Variants in ATRNL1 observed in about 807,000 individuals in gnomAD.
The protein encoded by ATRNL1 is attractin like 1.
In ATRNL1, 95 loss-of-function variants were observed where a neutral mutation model predicts 182.7. The ratio of observed to expected loss-of-function variants is 0.52; its 90% CI spans 0.44 to 0.62. ATRNL1 has a LOEUF of 0.62. ATRNL1 is among the 20% of genes least tolerant of loss of function. The pLI, the probability that ATRNL1 is intolerant of heterozygous loss-of-function variation, is 0.00. For missense variants in ATRNL1, 1,471 were observed against 1,679.5 expected, an observed-to-expected ratio of 0.88 and a Z score of 2.17; for synonymous variants, 576 against 568.3, an observed-to-expected ratio of 1.01 and a Z score of -0.19.
At chr10:115,398,532 G>A (rs75516109) in intron 20 of ATRNL1, among the ~76,000 whole-genome samples, 1,878 of 151,996 alleles carry the variant, frequency 0.012, 18 homozygotes, top group Non-Finnish European at 0.021. Flanking sequence ...TAGTGTATAG[G>A]AATGCTATTG....
At chr10:115,359,153 T>A (rs782245326) in intron 19 of ATRNL1, among the ~76,000 whole-genome samples, 4 of 151,654 alleles carry the variant, frequency 2.6e-5, no homozygotes, top group Non-Finnish European at 4.4e-5. Flanking sequence ...ATTATTACCA[T>A]CAGTGTTCTT....
At chr10:115,146,250 A>AATTT (rs1427824228) in intron 5 of ATRNL1, among the ~76,000 whole-genome samples, 5 of 152,192 alleles carry the variant, frequency 3.3e-5, no homozygotes, top group Admixed American at 3.3e-4. Flanking sequence ...TAGATGAAAT[A>AATTT]TAAATTAAGG....
intron 24 of ATRNL1, among the ~76,000 whole-genome samples, chr10:115,495,185 T>G (rs570368333): frequency 1.3e-5 from 2 of 152,334 alleles, no homozygotes; most frequent in South Asian, 4.1e-4. Flanking sequence ...GTGTTATGTT[T>G]GTCATTTATG....
intron 23 of ATRNL1, among the ~76,000 whole-genome samples, chr10:115,467,706 T>A (rs782622603): frequency 1.1e-4 from 16 of 150,742 alleles, no homozygotes; most frequent in Non-Finnish European, 1.9e-4. Flanking sequence ...ACCCCTCTTG[T>A]CAGCTTCAGT....
At chr10:115,890,587 C>T (rs955996542) in intron 28 of ATRNL1, among the ~76,000 whole-genome samples, 11 of 151,892 alleles carry the variant, frequency 7.2e-5, no homozygotes, top group African/African-American at 1.9e-4. Flanking sequence ...TTACCTGCAA[C>T]GGGAAAAGAT....
intron 28 of ATRNL1, among the ~76,000 whole-genome samples, chr10:115,942,107 T>C (rs1953748618): frequency 1.3e-5 from 2 of 152,190 alleles, no homozygotes; most frequent in Admixed American, 6.5e-5. Flanking sequence ...ACACCATAAA[T>C]TTCTCCTTCT....
chr10:115,299,962 C>A (rs1853393178), intron 15 of ATRNL1, 72 bp from the exon 16 acceptor site: 1 of 1,089,768 alleles, frequency 9.2e-7, no homozygotes, highest in Non-Finnish European at 1.4e-6. Context: ...TGATAGTGAA[C>A]TATTTGCTAA....
chr10:115,856,707 T>C (rs1178089998), intron 28 of ATRNL1, among the ~76,000 whole-genome samples: 4 of 152,028 alleles, frequency 2.6e-5, no homozygotes, highest in South Asian at 4.1e-4. Context: ...CAGTTCACAA[T>C]AGGGTTCGTG....
At chr10:115,139,345 A>T (rs1845661536) in intron 5 of ATRNL1, among the ~76,000 whole-genome samples, 1 of 152,166 alleles carries the variant, frequency 6.6e-6, no homozygotes, top group Admixed American at 6.5e-5. Flanking sequence ...TTACTGTATT[A>T]GTCTGTTTTC....
intron 5 of ATRNL1, among the ~76,000 whole-genome samples, chr10:115,144,603 C>A (rs1208121765): frequency 1.3e-5 from 2 of 152,142 alleles, no homozygotes; most frequent in African/African-American, 4.8e-5. Flanking sequence ...CATGAAAATT[C>A]TTAGCATGAA....
At chr10:115,329,798 A>T (rs559329771) in intron 18 of ATRNL1, among the ~76,000 whole-genome samples, 9 of 152,108 alleles carry the variant, frequency 5.9e-5, no homozygotes, top group Non-Finnish European at 1.2e-4. Context: ...TGTTGGCAGT[A>T]TGTAGTTGGG....
rs398014865 is a variant in ATRNL1 at position 115,775,959 on chromosome 10, CA to C, written c.3903+48622del. ...GGCAATGAGAGTGAAACTCCATTCT[CA>C]AAAAAAAAAAAAAAAAAGGAGAAAA... On this transcript the variant is annotated intron_variant, in intron 27 of 28. Coordinates refer to ENST00000355044, the MANE Select transcript of ATRNL1 (RefSeq NM_207303.4). Among the ~76,000 whole-genome samples the C allele has an allele frequency of 2.6e-3, 291 of 113,194 alleles. 6 individuals carry two copies. Among genetic ancestry groups the C allele is most frequent in the Middle Eastern group, 9.5e-3 (2 of 210 alleles). The allele number at this position is 113,194 out of a possible 152,430, so 74.3% of individuals were successfully genotyped here.
intron 27 of ATRNL1, among the ~76,000 whole-genome samples, chr10:115,746,663 T>C (rs1330957276): frequency 6.6e-6 from 1 of 152,058 alleles, no homozygotes; most frequent in Non-Finnish European, 1.5e-5. Flanking sequence ...ATTATAATAC[T>C]GATCTAATTT....
intron 18 of ATRNL1, among the ~76,000 whole-genome samples, chr10:115,326,653 T>C (rs1554933319): frequency 1.3e-5 from 2 of 151,792 alleles, no homozygotes; most frequent in East Asian, 3.9e-4. Flanking sequence ...AGAACAAAGC[T>C]GGAGGCATCA....
chr10:115,494,129 A>G (rs1849435786), intron 24 of ATRNL1, among the ~76,000 whole-genome samples: 1 of 152,056 alleles, frequency 6.6e-6, no homozygotes, highest in Non-Finnish European at 1.5e-5. Context: ...TTTGTCAAAA[A>G]TTTTGTCAAT....
At chr10:115,888,469 A>G (rs776142151) in intron 28 of ATRNL1, among the ~76,000 whole-genome samples, 1 of 152,106 alleles carries the variant, frequency 6.6e-6, no homozygotes, top group East Asian at 1.9e-4. Flanking sequence ...GGCTCTCTTC[A>G]TGAGTGGTTC....
At position 115,775,876 on chromosome 10, in the gene ATRNL1, T is replaced by C. The variant is rs188783287; in HGVS notation, c.3903+48521T>C. Among the ~76,000 whole-genome samples the C allele has an allele frequency of 7.1e-3, 1,082 of 151,768 alleles. 13 individuals are homozygous for C. Among genetic ancestry groups the C allele is most frequent in the African/African-American group, 0.025 (1,030 of 41,328 alleles). The stretch of plus-strand genomic sequence containing the variant: ...AGGAGGCTGAGGCAGGAGAATTGCT[T>C]TAACCCGGGAGGCGGAGGTTGCAGT... On this transcript the variant is annotated intron_variant, in intron 27 of 28. Coordinates refer to ENST00000355044, the MANE Select transcript of ATRNL1 (RefSeq NM_207303.4).
intron 26 of ATRNL1, among the ~76,000 whole-genome samples, chr10:115,705,440 A>T (rs1555052784): frequency 6.6e-6 from 1 of 151,838 alleles, no homozygotes; most frequent in Non-Finnish European, 1.5e-5. Context: ...ATATTTCTTC[A>T]TTTTTTTATA....
intron 5 of ATRNL1, among the ~76,000 whole-genome samples, chr10:115,144,482 C>A (rs140608383): frequency 1.3e-5 from 2 of 151,712 alleles, no homozygotes; most frequent in African/African-American, 4.8e-5. Flanking sequence ...TTACTAGAGA[C>A]GGGGTTTCAC....
Sources: gnomAD v4.1 joint callset for allele counts (sites outside exome capture counted in the v4.1 genomes callset) on GRCh38, gnomAD v4.1.1 for gene constraint, MANE v1.5 for transcripts, NCBI Gene and HGNC (gene_info 2026-07-23, HGNC 2026-07-21) for gene names.